The following PTGR3 variants were observed in gnomAD, a reference collection of about 807,000 sequenced individuals.
PTGR3 encodes the protein zinc binding alcohol dehydrogenase domain containing 2.
At chr18:75,204,320 G>T in the PTGR3 span, among the ~76,000 whole-genome samples, 1 of 152,376 alleles carries the variant, frequency 6.6e-6, no homozygotes, top group South Asian at 2.1e-4. Flanking sequence ...GATGGAGCAG[G>T]ACGCACACCG....
chr18:75,202,633 T>C, the PTGR3 span, among the ~76,000 whole-genome samples: 2 of 151,332 alleles, frequency 1.3e-5, no homozygotes, highest in Admixed American at 6.6e-5. Flanking sequence ...TCACATGCCA[T>C]TTATTTGTCT....
At chr18:75,208,453 G>A in the PTGR3 span, 109 of 1,004,468 alleles carry the variant, frequency 1.1e-4, no homozygotes, top group Middle Eastern at 1.9e-3. Context: ...GGCTGCTCCC[G>A]CTCCACCCTA....
the PTGR3 span, chr18:75,196,657 A>AAAAAAAAAAG: frequency 3.0e-4 from 38 of 128,068 alleles, no homozygotes; most frequent in African/African-American, 8.9e-4. Flanking sequence ...AAAAAAAAAA[A>AAAAAAAAAAG]GTCTGTACTT....
chr18:75,208,223 A>C, the PTGR3 span: 1 of 760,544 alleles, frequency 1.3e-6, no homozygotes, highest in Non-Finnish European at 1.6e-6. Flanking sequence ...GCTGCCCGGG[A>C]CACGCGCCAC....
chr18:75,201,660 G>A, the PTGR3 span: 2 of 1,614,212 alleles, frequency 1.2e-6, no homozygotes, highest in Admixed American at 3.3e-5. Context: ...TACGCTGGCA[G>A]ATTTCTTGAG....
chr18:75,202,173 G>A, the PTGR3 span: 1 of 1,614,004 alleles, frequency 6.2e-7, no homozygotes, highest in East Asian at 2.2e-5. Context: ...AAAAGAACCA[G>A]GTGCCATGTA....
chr18:75,200,786 T>C, the PTGR3 span: 1 of 152,228 alleles, frequency 6.6e-6, no homozygotes, highest in Non-Finnish European at 1.5e-5. Flanking sequence ...ATCAGGTTGA[T>C]GGTAGATAAA....
the PTGR3 span, chr18:75,202,250 G>C: frequency 1.2e-6 from 2 of 1,614,022 alleles, no homozygotes; most frequent in Non-Finnish European, 1.7e-6. Context: ...CCTCCCCAAT[G>C]CCTTCGAAAC....
At chr18:75,208,283 C>T in the PTGR3 span, 10 of 965,316 alleles carry the variant, frequency 1.0e-5, no homozygotes, top group Non-Finnish European at 1.2e-5. Context: ...ACTGCACTGA[C>T]AGCACGCAGA....
the PTGR3 span, among the ~76,000 whole-genome samples, chr18:75,206,013 A>G: frequency 2.0e-5 from 3 of 152,162 alleles, no homozygotes; most frequent in Non-Finnish European, 4.4e-5. Flanking sequence ...CCTTCTTACG[A>G]AAAAAGCTGA....
At chr18:75,205,475 G>A in the PTGR3 span, 3 of 985,360 alleles carry the variant, frequency 3.0e-6, no homozygotes, top group East Asian at 1.1e-4. Flanking sequence ...AGAAACCCCA[G>A]GAAAAAAGAA....
At chr18:75,197,782 A>G in the PTGR3 span, 2 of 152,268 alleles carry the variant, frequency 1.3e-5, no homozygotes, top group African/African-American at 2.4e-5. Context: ...TAATAAAATG[A>G]AAGTATACAG....
chr18:75,204,392 G>C, the PTGR3 span, among the ~76,000 whole-genome samples: 3 of 152,368 alleles, frequency 2.0e-5, no homozygotes, highest in South Asian at 2.1e-4. Context: ...GTTTGGGAGG[G>C]GGGAGTGGGG....
chr18:75,204,008 G>A, the PTGR3 span, among the ~76,000 whole-genome samples: 3 of 152,298 alleles, frequency 2.0e-5, no homozygotes, highest in East Asian at 5.8e-4. Context: ...GAAGTGGGGG[G>A]ACAGGAGCCG....
Sources: gnomAD v4.1 joint callset for allele counts (sites outside exome capture counted in the v4.1 genomes callset) on GRCh38, gnomAD v4.1.1 for gene constraint, MANE v1.5 for transcripts, NCBI Gene and HGNC (gene_info 2026-07-23, HGNC 2026-07-21) for gene names.